Variants in SLC26A8 observed in about 807,000 individuals in gnomAD.
SLC26A8 encodes the protein solute carrier family 26 member 8.
In SLC26A8, 70 loss-of-function variants were observed where a neutral mutation model predicts 105.0. That is an observed-to-expected ratio of 0.67 (90% CI 0.55 to 0.81). The LOEUF is 0.81. Among genes scored for constraint, SLC26A8 ranks in the 40% least tolerant of loss-of-function variants. The probability of loss-of-function intolerance (pLI) is 0.00; values close to 1 mark genes in which losing one functional copy is unlikely to be tolerated. For missense variants in SLC26A8, 998 were observed against 1,181.8 expected (o/e 0.84, Z 2.28); for synonymous variants, 415 against 438.3 (o/e 0.95, Z 0.66).
chr6:36,004,884 T>C (rs1264784658), intron 3 of SLC26A8, among the ~76,000 whole-genome samples: 1 of 151,020 alleles, frequency 6.6e-6, no homozygotes, highest in Non-Finnish European at 1.5e-5. Flanking sequence ...CAGTCTGGTC[T>C]TGAACTCCTG....
chr6:36,013,352 A>G (rs1170520200), intron 2 of SLC26A8, among the ~76,000 whole-genome samples: 3 of 152,126 alleles, frequency 2.0e-5, no homozygotes, highest in Admixed American at 6.5e-5. Flanking sequence ...ATGCGCCACC[A>G]TGCCTGGCTA....
At chr6:35,999,406 G>A (rs958860367) in intron 4 of SLC26A8, among the ~76,000 whole-genome samples, 9 of 152,144 alleles carry the variant, frequency 5.9e-5, no homozygotes, top group Admixed American at 2.0e-4. Context: ...TTTGTGATTT[G>A]ATTTCTATGC....
Position 35,998,988 on chromosome 6 carries a change from G to A in SLC26A8, c.445+1004C>T, listed in dbSNP as rs772231474. 9.2e-5 allele frequency among the ~76,000 whole-genome samples: 14 copies of A among 152,006 alleles called. 2 individuals carry two copies. In the South Asian group the frequency reaches 2.5e-3, roughly 27 times the overall value. On this transcript the variant is annotated intron_variant, in intron 4 of 19. Transcript: ENST00000490799. ...TGGCTCACTGCAACCTCCACCTCCC[G>A]GGTTCAGGCAATTCTCCTGCCTCAG...
chr6:36,022,797 G>A (rs1762157665), intron 1 of SLC26A8, among the ~76,000 whole-genome samples: 1 of 151,580 alleles, frequency 6.6e-6, no homozygotes, highest in African/African-American at 2.4e-5. Context: ...TGATTTCATA[G>A]AAATCCTAGT....
intron 10 of SLC26A8, among the ~76,000 whole-genome samples, chr6:35,971,236 T>C (rs1177382280): frequency 2.0e-5 from 3 of 152,182 alleles, no homozygotes; most frequent in Non-Finnish European, 4.4e-5. Flanking sequence ...GCTCGATGGC[T>C]CTCAGAGCTC....
intron 17 of SLC26A8, among the ~76,000 whole-genome samples, chr6:35,954,455 T>C (rs889805206): frequency 2.0e-5 from 3 of 152,200 alleles, no homozygotes; most frequent in African/African-American, 7.2e-5. Flanking sequence ...GAATTCCTGG[T>C]GAGCTGCTTT....
rs879676452 is a variant in SLC26A8 at position 35,950,295 on chromosome 6, A to AT, written c.2472+867dup. On this transcript the variant is annotated intron_variant, in intron 19 of 19. Coordinates refer to ENST00000490799, the MANE Select transcript of SLC26A8 (RefSeq NM_052961.4). ...TGCTAAAGTAGGCCCAGGTCTCAGTATTTTTTTTTTTTTAGACAGAGTCTC... is the reference window on the plus strand; with the variant it reads ...TGCTAAAGTAGGCCCAGGTCTCAGTATTTTTTTTTTTTTTAGACAGAGTCTC... Among the ~76,000 whole-genome samples, 102 of 138,806 alleles carry AT rather than the reference A, an allele frequency of 7.3e-4. 2 individuals are homozygous for AT. Among genetic ancestry groups the AT allele is most frequent in the South Asian group, 2.5e-3 (11 of 4,328 alleles). The allele number at this position is 138,806 out of a possible 152,430, so 91.1% of individuals were successfully genotyped here.
chr6:36,009,211 T>C (rs6928439), intron 3 of SLC26A8, among the ~76,000 whole-genome samples: 72,850 of 151,900 alleles, frequency 0.48, 19,373 homozygotes, highest in African/African-American at 0.73. Context: ...GTTAGCTGGG[T>C]GTGGTGGCGT....
chr6:36,012,792 A>G (rs1318338262), intron 2 of SLC26A8, among the ~76,000 whole-genome samples: 1 of 152,178 alleles, frequency 6.6e-6, no homozygotes, highest in East Asian at 1.9e-4. Flanking sequence ...TAAACCTACC[A>G]ATTTTCCAGT....
chr6:35,956,578 C>T (rs1772070479), intron 16 of SLC26A8, among the ~76,000 whole-genome samples: 1 of 152,110 alleles, frequency 6.6e-6, no homozygotes, highest in African/African-American at 2.4e-5. Flanking sequence ...GTGGACTCTG[C>T]ATTTACAGGA....
rs781043473 is a variant in SLC26A8 at position 35,997,936 on chromosome 6, T to TAGGTAGA, written c.446-24_446-18dup. 6.2e-7 allele frequency: 1 copy of TAGGTAGA among 1,610,768 alleles called. No homozygotes were observed. The highest frequency in any genetic ancestry group is 8.5e-7 in the Non-Finnish European group (1 of 1,178,106). Reference sequence around the variant, plus strand: ...AGAAGGAACCTGTGGAAGAAGATGTTAGGTAGAAGGTGAAGTTTCAAGTCC... The same window carrying TAGGTAGA: ...AGAAGGAACCTGTGGAAGAAGATGTTAGGTAGAAGGTAGAAGGTGAAGTTTCAAGTCC... On this transcript the variant is annotated splice_polypyrimidine_tract_variant and intron_variant, in intron 4 of 19. Coordinates refer to ENST00000490799, the MANE Select transcript of SLC26A8 (RefSeq NM_052961.4).
rs1484348717 is a variant in SLC26A8 at position 35,944,234 on chromosome 6, A to G, written c.2579T>C (p.Leu860Ser). 1 of 1,613,944 alleles carries G rather than the reference A, an allele frequency of 6.2e-7. No homozygotes were observed. Among genetic ancestry groups the G allele is most frequent in the Non-Finnish European group, 8.5e-7 (1 of 1,179,982 alleles). ...IQQPVEEESE[L>S]DLELESEQEA... Reference sequence around the variant, plus strand: ...TTGTTCTGATTCCAGCTCCAAATCCAACTCCGACTCCTCTTCTACAGGCTG... The same window carrying G: ...TTGTTCTGATTCCAGCTCCAAATCCGACTCCGACTCCTCTTCTACAGGCTG... The change falls in exon 20 of 20, where the codon TTG becomes TCG. Residue 860 changes from leucine to serine, a missense_variant. By Grantham distance (145) the Leu-to-Ser change is moderately radical. Transcript: ENST00000490799.
rs34715373 is a variant in SLC26A8, at chr6:35,986,024, CTTTTTTTTTTTT to C, written c.943-3833_943-3822del. Among the ~76,000 whole-genome samples, 6 of 71,376 alleles carry C rather than the reference CTTTTTTTTTTTT, an allele frequency of 8.4e-5. No individual in the cohort carries two copies. In the South Asian group the frequency reaches 1.9e-3, roughly 23 times the overall value. The allele number at this position is 71,376 out of a possible 152,430, so 46.8% of individuals were successfully genotyped here. A position where few individuals can be genotyped will look rare whatever the true frequency, so the allele number is the denominator to read the frequency against. ...TAGATGCATTACTTCACATATACAT[CTTTTTTTTTTTT>C]TTTTTTTTTTTTTTTGAGACGGAGT... On this transcript the variant is annotated intron_variant, in intron 7 of 19. Coordinates refer to ENST00000490799, the MANE Select transcript of SLC26A8 (RefSeq NM_052961.4).
intron 12 of SLC26A8, 59 bp from the exon 13 acceptor site, chr6:35,961,158 G>A: frequency 7.3e-7 from 1 of 1,366,200 alleles, no homozygotes; most frequent in South Asian, 1.2e-5. Context: ...CTGAGAAAAT[G>A]ATCAGTCCTG....
In SLC26A8 at chr6:35,982,145, G is replaced by A. The variant is rs377430788; in HGVS notation, c.1001C>T (p.Thr334Met). 2.2e-5 allele frequency: 36 copies of A among 1,614,136 alleles called. No homozygotes were observed. Among genetic ancestry groups the A allele is most frequent in the South Asian group, 2.1e-4 (19 of 91,086 alleles). The change falls in exon 8 of 20, where the codon ACG (threonine) becomes ATG (methionine). Residue 334 changes from threonine to methionine, a missense_variant. Coordinates refer to ENST00000490799, the MANE Select transcript of SLC26A8 (RefSeq NM_052961.4). ...CCTATAAGGAATCATGTCAATAAGC[G>A]TCTGGCTGGTTTCTGTGGCCATGCT... ...KISMATETSQTLIDMIPYSFL... is the reference protein window; with the variant it reads ...KISMATETSQMLIDMIPYSFL...
intron 2 of SLC26A8, among the ~76,000 whole-genome samples, chr6:36,017,455 A>C (rs1762025924): frequency 6.6e-6 from 1 of 152,126 alleles, no homozygotes; most frequent in South Asian, 2.1e-4. Flanking sequence ...AACATGGTGA[A>C]ACCCCACCTC....
At chr6:35,995,427 C>A (rs1375733840) in intron 5 of SLC26A8, among the ~76,000 whole-genome samples, 1 of 152,178 alleles carries the variant, frequency 6.6e-6, no homozygotes, top group Non-Finnish European at 1.5e-5. Flanking sequence ...ATAACTTCGA[C>A]TCAACTAGAG....
chr6:35,998,001 TC>T, intron 4 of SLC26A8, 82 bp from the exon 5 acceptor site: 1 of 1,311,866 alleles, frequency 7.6e-7, no homozygotes, highest in Non-Finnish European at 1.1e-6. Context: ...ATGGTTGAAT[TC>T]TGGATTGTCC....
intron 3 of SLC26A8, among the ~76,000 whole-genome samples, chr6:36,006,340 G>A (rs12665072): frequency 0.12 from 18,268 of 152,010 alleles, 1,113 homozygotes; most frequent in Middle Eastern, 0.15. Flanking sequence ...GGCTGGTCTC[G>A]ACCTCCTGAC....
Sources: gnomAD v4.1 joint callset for allele counts (sites outside exome capture counted in the v4.1 genomes callset) on GRCh38, gnomAD v4.1.1 for gene constraint, MANE v1.5 for transcripts, NCBI Gene and HGNC (gene_info 2026-07-23, HGNC 2026-07-21) for gene names.